Variants in TTLL1 observed in about 807,000 individuals in gnomAD.
TTLL1 encodes polyglutamylase complex subunit TTLL1.
In TTLL1, 33 loss-of-function variants were observed where a neutral mutation model predicts 47.8. That is an observed-to-expected ratio of 0.69 (90% CI 0.52 to 0.92). TTLL1 has a LOEUF of 0.92. TTLL1 is among the 40% of genes least tolerant of loss of function. The pLI is 0.00. For missense variants in TTLL1, 488 were observed against 547.5 expected, an observed-to-expected ratio of 0.89 and a Z score of 1.08; for synonymous variants, 225 against 214.1, an observed-to-expected ratio of 1.05 and a Z score of -0.45.
chr22:43,066,234 T>C (rs1429961796), intron 5 of TTLL1, among the ~76,000 whole-genome samples: 1 of 151,262 alleles, frequency 6.6e-6, no homozygotes, highest in Admixed American at 6.6e-5. Context: ...GTGCATCTCG[T>C]CAGCTGGCAA....
chr22:43,085,926 G>A (rs1569452655), intron 1 of TTLL1, among the ~76,000 whole-genome samples: 1 of 152,174 alleles, frequency 6.6e-6, no homozygotes, highest in African/African-American at 2.4e-5. Context: ...GGGCTGACTC[G>A]TGTCTGTTCT....
At chr22:43,060,931 C>G (rs888475339) in intron 7 of TTLL1, among the ~76,000 whole-genome samples, 27 of 152,274 alleles carry the variant, frequency 1.8e-4, no homozygotes, top group African/African-American at 6.5e-4. Flanking sequence ...CGCGGTGGCT[C>G]ACGCCTGTAA....
At chr22:43,084,530 C>A (rs896235955) in intron 1 of TTLL1, among the ~76,000 whole-genome samples, 1 of 151,872 alleles carries the variant, frequency 6.6e-6, no homozygotes, top group Non-Finnish European at 1.5e-5. Flanking sequence ...GAGATGGAGT[C>A]TTGCTCAATC....
Position 43,046,557 on chromosome 22 carries a change from G to C in TTLL1, c.995C>G (p.Ser332Cys), listed in dbSNP as rs771276176. 4.3e-6 allele frequency: 7 copies of C among 1,614,000 alleles called. No homozygotes were observed. Among genetic ancestry groups the C allele is most frequent in the Non-Finnish European group, 5.9e-6 (7 of 1,179,994 alleles). Residue 332 changes from serine (S) to cysteine (C), a missense_variant, in exon 10 of 11, where the codon TCT (serine) becomes TGT (cysteine). Ser to Cys is a moderately radical substitution (Grantham distance 112). Transcript: ENST00000266254. ...PWLIEVNASPSLTSSTANDRI... is the reference protein window; with the variant it reads ...PWLIEVNASPCLTSSTANDRI... ...GTCATTGGCAGTGCTGGACGTGAGA[G>C]ACGGGGACGCATTCACCTGTGAGAT...
chr22:43,063,469 T>TC (rs1927520102), intron 7 of TTLL1, among the ~76,000 whole-genome samples: 1 of 151,852 alleles, frequency 6.6e-6, no homozygotes, highest in African/African-American at 2.4e-5. Flanking sequence ...GTCCTTTTTT[T>TC]TTTTTTTTTC....
At chr22:43,088,018 C>T (rs932519312) in intron 1 of TTLL1, among the ~76,000 whole-genome samples, 4 of 148,792 alleles carry the variant, frequency 2.7e-5, no homozygotes, top group South Asian at 2.2e-4. Context: ...CATGGTGGCG[C>T]GTGCCTGTAA....
chr22:43,064,382 A>G (rs1303362451), intron 5 of TTLL1, 58 bp from the exon 6 acceptor site: 4 of 1,557,872 alleles, frequency 2.6e-6, no homozygotes, highest in Non-Finnish European at 3.5e-6. Flanking sequence ...ACGAAGACAC[A>G]ATCCAAGAAA....
At chr22:43,086,877 T>C (rs1238721201) in intron 1 of TTLL1, among the ~76,000 whole-genome samples, 1 of 152,150 alleles carries the variant, frequency 6.6e-6, no homozygotes, top group African/African-American at 2.4e-5. Context: ...ACACTAACCA[T>C]GTCACCCTGC....
At chr22:43,054,235 A>C (rs919903485) in intron 8 of TTLL1, among the ~76,000 whole-genome samples, 6 of 152,202 alleles carry the variant, frequency 3.9e-5, no homozygotes, top group African/African-American at 1.4e-4. Flanking sequence ...TCAGTGGGAC[A>C]AGAGATGGGG....
chr22:43,052,279 G>A (rs1008952103), intron 8 of TTLL1: 14 of 228,456 alleles, frequency 6.1e-5, no homozygotes, highest in Non-Finnish European at 1.2e-4. Flanking sequence ...CAGGCTGCCC[G>A]TTACCCCTTC....
At chr22:43,051,134 G>A (rs909224876) in intron 9 of TTLL1, among the ~76,000 whole-genome samples, 2 of 152,208 alleles carry the variant, frequency 1.3e-5, no homozygotes, top group African/African-American at 4.8e-5. Context: ...CAATAGAGCC[G>A]GAGTTCTTTT....
chr22:43,072,827 G>A (rs1012179168), intron 3 of TTLL1, among the ~76,000 whole-genome samples: 4 of 152,098 alleles, frequency 2.6e-5, no homozygotes, highest in African/African-American at 9.7e-5. Context: ...TGCCCAGGCT[G>A]GTCTCAAACT....
At chr22:43,047,180 C>G (rs1453224615) in intron 9 of TTLL1, among the ~76,000 whole-genome samples, 1 of 152,196 alleles carries the variant, frequency 6.6e-6, no homozygotes, top group Non-Finnish European at 1.5e-5. Flanking sequence ...GTGACTGGTT[C>G]TGTCCTAAGT....
chr22:43,059,450 C>G lies in TTLL1; in HGVS notation c.825G>C (p.Lys275Asn). ...LRLYLESTRG[K>N]EVTSKLFDEI... ...CGTCGAACAGCTTGCTGGTCACCTC[C>G]TTGCCGCGGGTGCTCTCCAGGTAGA... is the stretch of plus-strand genomic sequence containing the variant. The change falls in exon 8 of 11, where the codon AAG (lysine) becomes AAC (asparagine). Residue 275 changes from lysine (K) to asparagine (N), a missense_variant. Coordinates refer to ENST00000266254, the MANE Select transcript of TTLL1 (RefSeq NM_012263.5). 2 of 1,614,126 alleles carry G rather than the reference C, an allele frequency of 1.2e-6. No homozygotes were observed. The highest frequency in any genetic ancestry group is 1.7e-6 in the Non-Finnish European group (2 of 1,179,996).
intron 1 of TTLL1, among the ~76,000 whole-genome samples, chr22:43,086,622 G>GC (rs1929245961): frequency 1.3e-5 from 2 of 152,184 alleles, no homozygotes; most frequent in African/African-American, 4.8e-5. Context: ...AGGCCTGCCT[G>GC]CAGCAAAGGG....
intron 8 of TTLL1, among the ~76,000 whole-genome samples, chr22:43,059,169 T>C (rs1461103073): frequency 6.6e-6 from 1 of 151,138 alleles, no homozygotes; most frequent in Non-Finnish European, 1.5e-5. Context: ...TTTGTATTTT[T>C]AGTAGAAACA....
At chr22:43,081,738 G>A (rs532180145) in intron 1 of TTLL1, among the ~76,000 whole-genome samples, 2 of 151,644 alleles carry the variant, frequency 1.3e-5, no homozygotes, top group African/African-American at 4.8e-5. Flanking sequence ...ACTAGAGATG[G>A]GGGTTTCACC....
intron 1 of TTLL1, among the ~76,000 whole-genome samples, chr22:43,080,994 C>T (rs1461265425): frequency 1.4e-5 from 2 of 139,720 alleles, no homozygotes; most frequent in African/African-American, 5.2e-5. Flanking sequence ...TGGCTCACTA[C>T]AACCTCTGCC....
chr22:43,072,328 G>T (rs1257992925), intron 3 of TTLL1, among the ~76,000 whole-genome samples: 2 of 151,596 alleles, frequency 1.3e-5, no homozygotes, highest in Non-Finnish European at 2.9e-5. Flanking sequence ...TAATTTTTTT[G>T]TATTTTTAGT....
Sources: allele counts gnomAD v4.1 joint callset (sites outside exome capture counted in the v4.1 genomes callset), GRCh38; gene constraint gnomAD v4.1.1; transcripts MANE v1.5; gene names NCBI Gene and HGNC (gene_info 2026-07-23, HGNC 2026-07-21).